Variants in UMAD1 observed in about 807,000 individuals in gnomAD.
The protein encoded by UMAD1 is UBAP1-MVB12-associated (UMA)-domain containing protein 1.
A neutral mutation model predicts 6.1 loss-of-function variants in UMAD1; 8 were observed. The observed-to-expected ratio is 1.30, with a 90% CI of 0.76 to 2.35. The LOEUF (loss-of-function observed/expected upper bound fraction) is 2.35, where lower values mean the gene tolerates loss of function less well. Among genes scored for constraint, UMAD1 ranks in the 30% most tolerant of loss-of-function variants. UMAD1 has a pLI of 0.00. For synonymous variants in UMAD1, 56 were observed against 31.4 expected (o/e 1.78, Z -2.61); for missense variants, 130 against 78.4 (o/e 1.66, Z -2.49).
intron 3 of UMAD1, among the ~76,000 whole-genome samples, chr7:7,838,802 T>A (rs1389964103): frequency 1.3e-5 from 2 of 152,222 alleles, no homozygotes; most frequent in Non-Finnish European, 2.9e-5. Flanking sequence ...TATGGATGAA[T>A]CTTAACATAG....
intron 2 of UMAD1, among the ~76,000 whole-genome samples, chr7:7,740,416 C>T (rs74743801): frequency 0.089 from 13,555 of 152,238 alleles, 705 homozygotes; most frequent in African/African-American, 0.15. Context: ...CAACTAAATC[C>T]TTCTTCAAAC....
chr7:7,643,493 C>T (rs2115542854), intron 1 of UMAD1, among the ~76,000 whole-genome samples: 1 of 152,256 alleles, frequency 6.6e-6, no homozygotes, highest in East Asian at 1.9e-4. Flanking sequence ...GGTGGATCAC[C>T]TCAGATCAGA....
chr7:7,859,020 G>A (rs1264512134), intron 3 of UMAD1, among the ~76,000 whole-genome samples: 1 of 152,098 alleles, frequency 6.6e-6, no homozygotes, highest in Non-Finnish European at 1.5e-5. Flanking sequence ...GCAAACTGAG[G>A]CCAGCAATCT....
chr7:7,857,564 C>T (rs1308372692), intron 3 of UMAD1, among the ~76,000 whole-genome samples: 2 of 152,208 alleles, frequency 1.3e-5, no homozygotes, highest in Admixed American at 6.5e-5. Flanking sequence ...CTCATGAACA[C>T]AGGACACTCT....
chr7:7,684,368 A>AT (rs34916263), intron 2 of UMAD1, among the ~76,000 whole-genome samples: 4,589 of 145,974 alleles, frequency 0.031, 113 homozygotes, highest in East Asian at 0.1. Flanking sequence ...TTCCCGGCTA[A>AT]TTTTTTTTTT....
At chr7:7,801,060 A>G (rs373130877) in intron 2 of UMAD1, among the ~76,000 whole-genome samples, 3 of 152,316 alleles carry the variant, frequency 2.0e-5, no homozygotes, top group African/African-American at 4.8e-5. Flanking sequence ...GTTTGTGTCT[A>G]TCCTGTGTCC....
chr7:7,733,937 T>G (rs1781301612), intron 2 of UMAD1, among the ~76,000 whole-genome samples: 1 of 152,140 alleles, frequency 6.6e-6, no homozygotes, highest in South Asian at 2.1e-4. Context: ...CAGATAATCA[T>G]GAGATTTTAA....
At chr7:7,849,706 C>T (rs1227347277) in intron 3 of UMAD1, among the ~76,000 whole-genome samples, 1 of 152,066 alleles carries the variant, frequency 6.6e-6, no homozygotes, top group Non-Finnish European at 1.5e-5. Flanking sequence ...AAAAACTAAA[C>T]TAAAATAAAA....
chr7:7,843,863 C>A (rs1783734136), intron 3 of UMAD1, among the ~76,000 whole-genome samples: 1 of 152,270 alleles, frequency 6.6e-6, no homozygotes, highest in African/African-American at 2.4e-5. Context: ...TAAAGCCATT[C>A]CTTCCCATAA....
intron 2 of UMAD1, among the ~76,000 whole-genome samples, chr7:7,755,319 A>G (rs1215447877): frequency 6.6e-6 from 1 of 152,200 alleles, no homozygotes; most frequent in East Asian, 1.9e-4. Flanking sequence ...AATAGCACTC[A>G]CTGAAGTAAT....
chr7:7,730,483 C>G (rs1031886812), intron 2 of UMAD1, among the ~76,000 whole-genome samples: 1 of 152,122 alleles, frequency 6.6e-6, no homozygotes, highest in African/African-American at 2.4e-5. Flanking sequence ...AGTTCTCGTC[C>G]TTTTTCTACC....
intron 2 of UMAD1, among the ~76,000 whole-genome samples, chr7:7,726,073 C>T (rs1420876378): frequency 6.6e-6 from 1 of 152,144 alleles, no homozygotes; most frequent in African/African-American, 2.4e-5. Flanking sequence ...GGGCTGTAGC[C>T]AGTGGTTTGG....
At chr7:7,796,321 G>A (rs1459515363) in intron 2 of UMAD1, among the ~76,000 whole-genome samples, 9 of 130,226 alleles carry the variant, frequency 6.9e-5, no homozygotes, top group African/African-American at 2.4e-4. Context: ...GCATAATCTC[G>A]GCTCACCACA....
At chr7:7,731,222 G>T (rs1781245185) in intron 2 of UMAD1, among the ~76,000 whole-genome samples, 3 of 152,058 alleles carry the variant, frequency 2.0e-5, no homozygotes, top group South Asian at 4.2e-4. Context: ...GGATGGTTTT[G>T]ATCTCTTGAC....
At chr7:7,802,579 A>G (rs62432847) in intron 3 of UMAD1, among the ~76,000 whole-genome samples, 9,215 of 152,306 alleles carry the variant, frequency 0.061, 388 homozygotes, top group Non-Finnish European at 0.088. Flanking sequence ...ACATTATTTA[A>G]TCACCAAAAT....
chr7:7,800,065 T>G (rs1782768145), intron 2 of UMAD1, among the ~76,000 whole-genome samples: 2 of 152,184 alleles, frequency 1.3e-5, no homozygotes, highest in African/African-American at 2.4e-5. Context: ...GTGTTTTTAG[T>G]AGAGACGGAG....
At chr7:7,740,122 G>A (rs1469902419) in intron 2 of UMAD1, among the ~76,000 whole-genome samples, 3 of 152,184 alleles carry the variant, frequency 2.0e-5, no homozygotes, top group Non-Finnish European at 4.4e-5. Flanking sequence ...GAAATTCTGG[G>A]CAGCAAGCTA....
chr7:7,661,476 CCTT>C (rs1214873244), intron 1 of UMAD1, among the ~76,000 whole-genome samples: 1 of 152,084 alleles, frequency 6.6e-6, no homozygotes, highest in Non-Finnish European at 1.5e-5. Context: ...ATGCTGGTGA[CCTT>C]TCAGTGGGGT....
At chr7:7,807,520 C>T (rs1782941408) in intron 3 of UMAD1, among the ~76,000 whole-genome samples, 1 of 151,978 alleles carries the variant, frequency 6.6e-6, no homozygotes, top group South Asian at 2.1e-4. Context: ...TTTCATTACA[C>T]GTCATAGCCC....
Sources: gnomAD v4.1 joint callset for allele counts (sites outside exome capture counted in the v4.1 genomes callset) on GRCh38, gnomAD v4.1.1 for gene constraint, MANE v1.5 for transcripts, NCBI Gene and HGNC (gene_info 2026-07-23, HGNC 2026-07-21) for gene names.